The following SLC19A3 variants were observed in gnomAD, a reference collection of about 807,000 sequenced individuals.
SLC19A3 encodes thiamine transporter 2.
In SLC19A3, 31 loss-of-function variants were observed where a neutral mutation model predicts 40.2. The ratio of observed to expected loss-of-function variants is 0.77; its 90% CI spans 0.58 to 1.04. The LOEUF (loss-of-function observed/expected upper bound fraction) is 1.04, where lower values mean the gene tolerates loss of function less well. Ranked by LOEUF, SLC19A3 falls within the 50% of genes least tolerant of loss-of-function variation. The pLI, the probability that SLC19A3 is intolerant of heterozygous loss-of-function variation, is 0.00. For synonymous variants in SLC19A3, 212 were observed against 227.5 expected (o/e 0.93, Z 0.61); for missense variants, 592 against 596.7 (o/e 0.99, Z 0.08).
rs1695739730 is a variant in SLC19A3, at chr2:227,702,465, C to T, written c.-2-145G>A. On this transcript the variant is annotated intron_variant, in intron 1 of 5. Coordinates refer to ENST00000644224, the MANE Select transcript of SLC19A3 (RefSeq NM_025243.4). The stretch of plus-strand genomic sequence containing the variant: ...CTGAAGTGCAGTGGCATGATCTCAG[C>T]CCATTGCAACCTGTGCCTCCCGGGC... The T allele has an allele frequency of 6.6e-6, 5 of 754,102 alleles. No individual in the cohort carries two copies. In the East Asian group the frequency reaches 1.1e-4, roughly 17 times the overall value. 46.7% of individuals were successfully genotyped at this position (754,102 alleles called of 1,614,324 possible). A position where few individuals can be genotyped will look rare whatever the true frequency, so the allele number is the denominator to read the frequency against.
Position 227,685,180 on chromosome 2 carries a change from C to T in SLC19A3, c.*2217G>A, listed in dbSNP as rs951422852. 11 of 151,970 alleles carry T rather than the reference C, an allele frequency of 7.2e-5. No homozygotes were observed. The highest frequency in any genetic ancestry group is 2.7e-4 in the African/African-American group (11 of 41,380). The allele number at this position is 151,970 out of a possible 1,614,324, so 9.4% of individuals were successfully genotyped here. On this transcript the variant is annotated 3_prime_UTR_variant, in exon 6 of 6. Transcript: ENST00000644224. ...TGAGAAACATATTAGTCCATTATCA[C>T]ATTGCTATAAAGAAACACCTGAGAC... is the stretch of plus-strand genomic sequence containing the variant.
intron 1 of SLC19A3, among the ~76,000 whole-genome samples, chr2:227,709,437 T>C (rs7584836): frequency 0.013 from 1,976 of 152,232 alleles, 16 homozygotes; most frequent in Middle Eastern, 0.027. Context: ...AATGCCAAGA[T>C]TGAGCAAATG....
chr2:227,709,117 C>T (rs1696052397), intron 1 of SLC19A3, among the ~76,000 whole-genome samples: 2 of 152,216 alleles, frequency 1.3e-5, no homozygotes, highest in East Asian at 1.9e-4. Flanking sequence ...ACTTAAAAGC[C>T]CTATGTCCAC....
chr2:227,709,781 C>G (rs921349572), intron 1 of SLC19A3, among the ~76,000 whole-genome samples: 4 of 152,252 alleles, frequency 2.6e-5, no homozygotes, highest in African/African-American at 9.6e-5. Context: ...GGAAAGAAAT[C>G]ACTTTATCAA....
intron 4 of SLC19A3, 88 bp from the exon 5 acceptor site, chr2:227,688,395 T>G: frequency 8.0e-7 from 1 of 1,248,412 alleles, no homozygotes; most frequent in Non-Finnish European, 1.2e-6. Context: ...ACAGGGGTAT[T>G]TGTGTCACCC....
rs200664332 is a variant in SLC19A3 at position 227,692,605 on chromosome 2, GA to G, written c.1172+3283del. Among the ~76,000 whole-genome samples, 888 of 152,258 alleles carry G rather than the reference GA, an allele frequency of 5.8e-3. 6 individuals are homozygous for G. The highest frequency in any genetic ancestry group is 9.7e-3 in the Non-Finnish European group (658 of 68,024). On this transcript the variant is annotated intron_variant, in intron 4 of 5. Coordinates refer to ENST00000644224, the MANE Select transcript of SLC19A3 (RefSeq NM_025243.4). The stretch of plus-strand genomic sequence containing the variant: ...CTACAGCTAGTACCAGATTGAATGG[GA>G]AAAAGCTGAAATGCTTTACTCTCTA...
Position 227,699,384 on chromosome 2 carries a change from A to T in SLC19A3, c.331T>A (p.Phe111Ile). Residue 111 changes from phenylalanine to isoleucine, a missense_variant, in exon 3 of 6, where the codon TTC (phenylalanine) becomes ATC (isoleucine). Coordinates refer to ENST00000644224, the MANE Select transcript of SLC19A3 (RefSeq NM_025243.4). ...QGVKTMQVVE[F>I]FYGMVTAAEV... ...GCGGCGGTGACCATCCCATAGAAGA[A>T]CTCTACAACCTGCATGGTCTTCACT... 1 of 1,613,878 alleles carries T rather than the reference A, an allele frequency of 6.2e-7. No individual in the cohort carries two copies. The highest frequency in any genetic ancestry group is 8.5e-7 in the Non-Finnish European group (1 of 1,179,990).
intron 4 of SLC19A3, among the ~76,000 whole-genome samples, chr2:227,692,481 G>T (rs1025200821): frequency 6.6e-6 from 1 of 152,180 alleles, no homozygotes; most frequent in Non-Finnish European, 1.5e-5. Context: ...GCTAAACAAA[G>T]TATGTGATAC....
At chr2:227,706,582 C>G (rs1695951893) in intron 1 of SLC19A3, 1 of 638,268 alleles carries the variant, frequency 1.6e-6, no homozygotes, top group East Asian at 4.4e-5. Flanking sequence ...ACTAGCCTGG[C>G]CAACAGAGTG....
intron 2 of SLC19A3, 25 bp from the exon 3 acceptor site, chr2:227,699,589 C>T (rs368102953): frequency 1.9e-6 from 3 of 1,588,658 alleles, no homozygotes; most frequent in Non-Finnish European, 2.6e-6. Context: ...AATTGCATGA[C>T]CACGAAGCAC....
chr2:227,695,989 C>T lies in SLC19A3; in HGVS notation c.1072G>A (p.Gly358Ser), dbSNP rs758563802. The change falls in exon 4 of 6, where the codon GGT becomes AGT. Residue 358 changes from glycine (G) to serine (S), a missense_variant. By Grantham distance (56) the Gly-to-Ser change is moderately conservative (BLOSUM62 0). Coordinates refer to ENST00000644224, the MANE Select transcript of SLC19A3 (RefSeq NM_025243.4). ...ALVVFSVVNA[G>S]SLFLMHYTAN... ...GTGTAATGCATGAGAAATAAAGAAC[C>T]GGCATTGACAACTGAGAAGACCACC... 16 of 1,613,938 alleles carry T rather than the reference C, an allele frequency of 9.9e-6. No individual in the cohort carries two copies. Among genetic ancestry groups the T allele is most frequent in the South Asian group, 5.5e-5 (5 of 91,080 alleles).
In SLC19A3 at chr2:227,703,770, T is replaced by G. The variant is rs1364504536; in HGVS notation, c.-2-1450A>C. ...AGAGTGGTCTTGCTGGGGTAGCATC[T>G]GCTGGCTCTATATCCAGAGCCTCCT... On this transcript the variant is annotated intron_variant, in intron 1 of 5. Transcript: ENST00000644224. This position sits in a 1 kb window ranked among gnomAD's most constrained non-coding sequence, Gnocchi z 4.7. 6.6e-6 allele frequency among the ~76,000 whole-genome samples: 1 copy of G among 152,194 alleles called. No individual in the cohort carries two copies. The highest frequency in any genetic ancestry group is 2.4e-5 in the African/African-American group (1 of 41,438).
chr2:227,712,237 C>G (rs1196831005), intron 1 of SLC19A3, among the ~76,000 whole-genome samples: 3 of 151,166 alleles, frequency 2.0e-5, no homozygotes, highest in Non-Finnish European at 2.9e-5. Flanking sequence ...TTTGTCTGTA[C>G]AAAAAAATAC....
rs78984414 is a variant in SLC19A3 at position 227,717,923 on chromosome 2, G to C, written c.-3+20C>G. 1 of 985,172 alleles carries C rather than the reference G, an allele frequency of 1.0e-6. No individual in the cohort carries two copies. Among genetic ancestry groups the C allele is most frequent in the Non-Finnish European group, 1.2e-6 (1 of 829,898 alleles). The allele number at this position is 985,172 out of a possible 1,614,324, so 61.0% of individuals were successfully genotyped here. ...ATGACGGTGCTTCTTCAATTAATTC[G>C]CCCCCCGAGATATTCTTACCTACAG... is the stretch of plus-strand genomic sequence containing the variant. On this transcript the variant is annotated intron_variant, in intron 1 of 5. Transcript: ENST00000644224.
At position 227,703,347 on chromosome 2, in the gene SLC19A3, G is replaced by A. The variant is rs1217669593; in HGVS notation, c.-2-1027C>T. Among the ~76,000 whole-genome samples the A allele has an allele frequency of 7.9e-5, 12 of 152,110 alleles. No individual in the cohort carries two copies. Among genetic ancestry groups the A allele is most frequent in the South Asian group, 6.2e-4 (3 of 4,820 alleles). On this transcript the variant is annotated intron_variant, in intron 1 of 5. Transcript: ENST00000644224. The surrounding 1 kb of genome is among the most constrained non-coding windows in gnomAD (Gnocchi z 4.7). ...GGGTGGGGAGCTTTACTAGGGGTTG[G>A]GGAGGTAGGAAGGACCTACTAGGTC...
intron 3 of SLC19A3, among the ~76,000 whole-genome samples, chr2:227,698,109 A>T (rs1306110792): frequency 6.6e-6 from 1 of 152,068 alleles, no homozygotes; most frequent in Non-Finnish European, 1.5e-5. Context: ...TAACTACAAC[A>T]CAATAGAAAG....
intron 4 of SLC19A3, among the ~76,000 whole-genome samples, chr2:227,690,706 C>CAAAAA (rs34163746): frequency 2.6e-5 from 1 of 39,162 alleles, no homozygotes; most frequent in African/African-American, 9.5e-5. Flanking sequence ...GACTCCATCT[C>CAAAAA]AAAAAAAAAA....
intron 4 of SLC19A3, among the ~76,000 whole-genome samples, chr2:227,692,521 T>A (rs1373852126): frequency 6.6e-6 from 1 of 152,102 alleles, no homozygotes; most frequent in African/African-American, 2.4e-5. Flanking sequence ...CTAAATACCC[T>A]CAAAAAACTG....
chr2:227,692,206 C>A (rs1232221770), intron 4 of SLC19A3, among the ~76,000 whole-genome samples: 1 of 152,158 alleles, frequency 6.6e-6, no homozygotes, highest in Non-Finnish European at 1.5e-5. Context: ...CAAACTCATT[C>A]TACAAGGCCA....
Sources: allele counts gnomAD v4.1 joint callset (sites outside exome capture counted in the v4.1 genomes callset), GRCh38; gene constraint gnomAD v4.1.1; non-coding constraint Gnocchi (gnomAD v3.1); transcripts MANE v1.5; gene names NCBI Gene and HGNC (gene_info 2026-07-23, HGNC 2026-07-21).